VAT1L: variants seen among roughly 807,000 people sequenced by gnomAD.
The protein encoded by VAT1L is vesicle amine transport 1 like.
VAT1L carries 34 observed loss-of-function variants against 44.1 expected under a neutral mutation model. The observed-to-expected ratio is 0.77, with a 90% CI of 0.59 to 1.03. The LOEUF is 1.03. VAT1L is among the 50% of genes least tolerant of loss of function. The probability of loss-of-function intolerance (pLI) is 0.00; values close to 1 mark genes in which losing one functional copy is unlikely to be tolerated. For missense variants in VAT1L, 615 were observed against 538.8 expected, an observed-to-expected ratio of 1.14 and a Z score of -1.40; for synonymous variants, 253 against 202.2, an observed-to-expected ratio of 1.25 and a Z score of -2.13.
At chr16:77,852,168 C>G (rs1329152459) in intron 3 of VAT1L, among the ~76,000 whole-genome samples, 1 of 152,198 alleles carries the variant, frequency 6.6e-6, no homozygotes, top group South Asian at 2.1e-4. Context: ...TGGCTTGACC[C>G]TCAAACATAC....
chr16:77,817,847 ATCAGGT>A (rs1352457941), intron 2 of VAT1L, among the ~76,000 whole-genome samples: 2 of 152,188 alleles, frequency 1.3e-5, no homozygotes, highest in Admixed American at 1.3e-4. Context: ...ACCAATGCAA[ATCAGGT>A]ACAAGGGCTC....
intron 8 of VAT1L, among the ~76,000 whole-genome samples, chr16:77,976,407 G>A (rs1310567611): frequency 6.6e-6 from 1 of 152,194 alleles, no homozygotes; most frequent in Non-Finnish European, 1.5e-5. Context: ...GGGCAGAGGG[G>A]GTAGAGGAAT....
intron 3 of VAT1L, among the ~76,000 whole-genome samples, chr16:77,837,516 A>G (rs1274866070): frequency 6.6e-6 from 1 of 152,202 alleles, no homozygotes; most frequent in African/African-American, 2.4e-5. Context: ...TATCCCAACC[A>G]CTGATCTCAG....
intron 7 of VAT1L, among the ~76,000 whole-genome samples, chr16:77,933,978 C>T (rs984013957): frequency 2.6e-5 from 4 of 152,084 alleles, no homozygotes; most frequent in Admixed American, 2.6e-4. Context: ...ATGACGTGGT[C>T]TGTGTTCTTT....
rs191654612 is a variant in VAT1L, at chr16:77,821,572, C to T, written c.364-3674C>T. 2.2e-3 allele frequency among the ~76,000 whole-genome samples: 341 copies of T among 152,256 alleles called. 3 individuals are homozygous for T. The highest frequency in any genetic ancestry group is 7.9e-3 in the African/African-American group (328 of 41,554). ...CTTCCTAAAGTGCTGGGATTACAGG[C>T]ATGAGCCACCGTGCCCAGCCTGAAA... On this transcript the variant is annotated intron_variant, in intron 2 of 8. Coordinates refer to ENST00000302536, the MANE Select transcript of VAT1L (RefSeq NM_020927.3).
intron 1 of VAT1L, among the ~76,000 whole-genome samples, chr16:77,801,922 C>G (rs1011607859): frequency 3.9e-5 from 6 of 152,254 alleles, no homozygotes; most frequent in South Asian, 4.2e-4. Context: ...ATAATAAACT[C>G]TGACTCAACG....
At chr16:77,820,718 A>C (rs1006938216) in intron 2 of VAT1L, among the ~76,000 whole-genome samples, 3 of 152,180 alleles carry the variant, frequency 2.0e-5, no homozygotes, top group Non-Finnish European at 4.4e-5. Flanking sequence ...AATCTATATA[A>C]AGGGCACAGT....
At chr16:77,869,741 A>T (rs2017011229) in intron 4 of VAT1L, among the ~76,000 whole-genome samples, 1 of 152,172 alleles carries the variant, frequency 6.6e-6, no homozygotes, top group Non-Finnish European at 1.5e-5. Context: ...GAAGTTAGGA[A>T]ACTGCGATAA....
At chr16:77,825,533 T>G in intron 3 of VAT1L, 72 bp downstream of exon 3, 1 of 1,496,494 alleles carries the variant, frequency 6.7e-7, no homozygotes, top group Non-Finnish European at 9.1e-7. Flanking sequence ...CCCCCTGAGG[T>G]CTTATGTGAG....
intron 7 of VAT1L, among the ~76,000 whole-genome samples, chr16:77,891,444 C>T (rs745639031): frequency 9.8e-5 from 15 of 152,330 alleles, no homozygotes; most frequent in East Asian, 3.9e-4. Context: ...ACTGTTCCAT[C>T]GTTGCAGAAA....
chr16:77,973,573 A>G (rs429921), intron 8 of VAT1L, among the ~76,000 whole-genome samples: 93,293 of 151,626 alleles, frequency 0.62, 29,083 homozygotes, highest in East Asian at 0.75. Context: ...GTGAGCCACC[A>G]TGCCTGGCCC....
chr16:77,969,180 G>A (rs2018253755), intron 7 of VAT1L, among the ~76,000 whole-genome samples: 1 of 152,192 alleles, frequency 6.6e-6, no homozygotes, highest in East Asian at 1.9e-4. Flanking sequence ...TCGAGATATT[G>A]TTATCAGCAC....
intron 7 of VAT1L, among the ~76,000 whole-genome samples, chr16:77,950,583 G>A (rs991020553): frequency 7.7e-4 from 117 of 152,248 alleles, no homozygotes; most frequent in African/African-American, 2.8e-3. Flanking sequence ...ATAAGAAATT[G>A]TATGTTCAGC....
At chr16:77,874,915 G>C (rs917296882) in intron 4 of VAT1L, among the ~76,000 whole-genome samples, 1 of 151,418 alleles carries the variant, frequency 6.6e-6, no homozygotes, top group African/African-American at 2.4e-5. Flanking sequence ...TCAGAGCGTG[G>C]AGCTGGAATT....
Position 77,977,791 on chromosome 16 carries a change from C to A in VAT1L, c.*96C>A. ...TGCCCCAGTGAACAAATGCTGTAGT[C>A]CAGTGCGTGTCGTGTTTGTCTGCAG... is the stretch of plus-strand genomic sequence containing the variant. On this transcript the variant is annotated 3_prime_UTR_variant, in exon 9 of 9. Coordinates refer to ENST00000302536, the MANE Select transcript of VAT1L (RefSeq NM_020927.3). 1.7e-6 allele frequency: 2 copies of A among 1,196,388 alleles called. No individual in the cohort carries two copies. The highest frequency in any genetic ancestry group is 1.4e-5 in the South Asian group (1 of 71,982). The allele number at this position is 1,196,388 out of a possible 1,614,324, so 74.1% of individuals were successfully genotyped here. A position where few individuals can be genotyped will look rare whatever the true frequency, so the allele number is the denominator to read the frequency against.
chr16:77,851,136 G>T (rs1250756997), intron 3 of VAT1L, among the ~76,000 whole-genome samples: 1 of 152,218 alleles, frequency 6.6e-6, no homozygotes, highest in Non-Finnish European at 1.5e-5. Flanking sequence ...AGTTGCTAGG[G>T]CTCACAGCTC....
At chr16:77,910,730 A>G (rs1315022852) in intron 7 of VAT1L, among the ~76,000 whole-genome samples, 1 of 152,054 alleles carries the variant, frequency 6.6e-6, no homozygotes, top group Non-Finnish European at 1.5e-5. Context: ...CTAGGCATCA[A>G]AACATTTAAA....
chr16:77,908,458 C>T (rs1228501930), intron 7 of VAT1L, among the ~76,000 whole-genome samples: 16 of 71,686 alleles, frequency 2.2e-4, no homozygotes, highest in Non-Finnish European at 3.7e-4. Flanking sequence ...GAACCAGGTT[C>T]TGTCTCAAAA....
intron 7 of VAT1L, among the ~76,000 whole-genome samples, chr16:77,918,044 C>A (rs957479562): frequency 1.3e-5 from 2 of 152,196 alleles, no homozygotes; most frequent in Non-Finnish European, 2.9e-5. Flanking sequence ...CAGCCTGAAT[C>A]TTTTCTATCA....
Sources: gnomAD v4.1 joint callset for allele counts (sites outside exome capture counted in the v4.1 genomes callset) on GRCh38, gnomAD v4.1.1 for gene constraint, MANE v1.5 for transcripts, NCBI Gene and HGNC (gene_info 2026-07-23, HGNC 2026-07-21) for gene names.